MTHFD1L: variants seen among roughly 807,000 people sequenced by gnomAD.
MTHFD1L encodes the protein methylenetetrahydrofolate dehydrogenase (NADP+ dependent) 1 like, also known as monofunctional C1-tetrahydrofolate synthase, mitochondrial.
A neutral mutation model predicts 119.5 loss-of-function variants in MTHFD1L; 81 were observed. That is an observed-to-expected ratio of 0.68 (90% CI 0.57 to 0.82). MTHFD1L has a LOEUF of 0.82. Among genes scored for constraint, MTHFD1L ranks in the 40% least tolerant of loss-of-function variants. The pLI is 0.00. For synonymous variants in MTHFD1L, 430 were observed against 475.2 expected (o/e 0.90, Z 1.24); for missense variants, 1,125 against 1,253.4 (o/e 0.90, Z 1.55).
At position 151,014,965 on chromosome 6, in the gene MTHFD1L, C is replaced by T. The variant is rs1184670444; in HGVS notation, c.2393C>T (p.Ala798Val). 6.2e-7 allele frequency: 1 copy of T among 1,613,864 alleles called. No individual in the cohort carries two copies. The highest frequency in any genetic ancestry group is 8.5e-7 in the Non-Finnish European group (1 of 1,179,962). The change falls in exon 23 of 28, where the codon GCT becomes GTT. Residue 798 changes from alanine (A) to valine (V), a missense_variant. Coordinates refer to ENST00000367321, the MANE Select transcript of MTHFD1L (RefSeq NM_015440.5). Reference protein sequence around the residue: ...TQLFGVPVVVALNVFKTDTRA... With the variant: ...TQLFGVPVVVVLNVFKTDTRA... ...CTCTTTGGGGTTCCCGTTGTGGTGG[C>T]TCTGAATGTCTTCAAGTAAGTCCAG... is the stretch of plus-strand genomic sequence containing the variant.
At chr6:150,943,956 G>A (rs147505907) in intron 13 of MTHFD1L, among the ~76,000 whole-genome samples, 108 of 152,216 alleles carry the variant, frequency 7.1e-4, no homozygotes, top group African/African-American at 2.5e-3. Flanking sequence ...ATAAAACAAT[G>A]AATAAACGTA....
chr6:150,866,141 C>G (rs1778257658), intron 1 of MTHFD1L, 92 bp downstream of exon 1: 7 of 1,416,010 alleles, frequency 4.9e-6, no homozygotes, highest in Non-Finnish European at 6.4e-6. Context: ...GGGAGCGGGG[C>G]GCGGGGCTGC....
At chr6:151,085,484 T>A (rs1323382780) in intron 26 of MTHFD1L, among the ~76,000 whole-genome samples, 1 of 152,148 alleles carries the variant, frequency 6.6e-6, no homozygotes, top group Non-Finnish European at 1.5e-5. Context: ...AGCAAAACAT[T>A]TTTTGGCCGG....
rs146946849 is a variant in MTHFD1L at position 150,961,734 on chromosome 6, A to C, written c.1944+1319A>C. 2.5e-3 allele frequency among the ~76,000 whole-genome samples: 293 copies of C among 115,428 alleles called. 1 individual carries two copies. The highest frequency in any genetic ancestry group is 7.4e-3 in the African/African-American group (266 of 36,130). 75.7% of individuals were successfully genotyped at this position (115,428 alleles called of 152,430 possible). On this transcript the variant is annotated intron_variant, in intron 18 of 27. Coordinates refer to ENST00000367321, the MANE Select transcript of MTHFD1L (RefSeq NM_015440.5). ...AGAAGTCTTGTCAAGTAAATTCAAT[A>C]GATCAACGTATGTCGCAGCCTATGG...
chr6:150,992,199 A>C (rs1374085557), intron 20 of MTHFD1L, among the ~76,000 whole-genome samples: 1 of 152,198 alleles, frequency 6.6e-6, no homozygotes, highest in Non-Finnish European at 1.5e-5. Flanking sequence ...TTCGTCAGTA[A>C]GAGATGTGCA....
intron 26 of MTHFD1L, among the ~76,000 whole-genome samples, chr6:151,076,324 C>G (rs1792509338): frequency 6.6e-6 from 1 of 152,100 alleles, no homozygotes. Flanking sequence ...GCACTCCAGC[C>G]TGCAAGACAG....
At chr6:150,987,418 T>C (rs1456558853) in intron 20 of MTHFD1L, among the ~76,000 whole-genome samples, 3 of 152,232 alleles carry the variant, frequency 2.0e-5, no homozygotes, top group Non-Finnish European at 4.4e-5. Flanking sequence ...AAATCTTTGC[T>C]AACAGTCGTA....
At chr6:150,936,066 A>C (rs1043226619) in intron 11 of MTHFD1L, among the ~76,000 whole-genome samples, 4 of 152,222 alleles carry the variant, frequency 2.6e-5, no homozygotes, top group African/African-American at 4.8e-5. Context: ...AGTTTCCGCC[A>C]TAGTATGCAC....
At chr6:151,009,640 G>A (rs1289638359) in intron 20 of MTHFD1L, among the ~76,000 whole-genome samples, 179 bp from the exon 21 acceptor site, 1 of 152,206 alleles carries the variant, frequency 6.6e-6, no homozygotes, top group Non-Finnish European at 1.5e-5. Flanking sequence ...GGAGGGCGCA[G>A]TCTCTTTAGG....
At chr6:151,048,331 T>C (rs924412729) in intron 26 of MTHFD1L, among the ~76,000 whole-genome samples, 1 of 152,162 alleles carries the variant, frequency 6.6e-6, no homozygotes, top group African/African-American at 2.4e-5. Flanking sequence ...TTGTGTGTCC[T>C]CTTACCTTAC....
In MTHFD1L at chr6:150,865,793, G is replaced by A. The variant is rs996984452; in HGVS notation, c.-30G>A. 2.3e-6 allele frequency: 3 copies of A among 1,291,230 alleles called. No homozygotes were observed. Among genetic ancestry groups the A allele is most frequent in the African/African-American group, 3.2e-5 (2 of 62,560 alleles). 80.0% of individuals were successfully genotyped at this position (1,291,230 alleles called of 1,614,324 possible). A position where few individuals can be genotyped will look rare whatever the true frequency, so the allele number is the denominator to read the frequency against. On this transcript the variant is annotated 5_prime_UTR_variant, in exon 1 of 28. In the 5' UTR this introduces an upstream ATG that the reference lacks. Transcript: ENST00000367321. ...CGCCGCCCTCGGCAGCCGCAGCTCC[G>A]TGTCCCCTGAGAACCAGCCGTCCCG... is the stretch of plus-strand genomic sequence containing the variant.
chr6:150,893,857 G>A (rs1202621236), intron 7 of MTHFD1L, among the ~76,000 whole-genome samples: 2 of 152,238 alleles, frequency 1.3e-5, no homozygotes, highest in African/African-American at 4.8e-5. Context: ...CTGGGCTCAA[G>A]CCTTAGCTGT....
At chr6:150,893,732 C>A (rs551328058) in intron 7 of MTHFD1L, among the ~76,000 whole-genome samples, 3 of 152,302 alleles carry the variant, frequency 2.0e-5, no homozygotes, top group South Asian at 2.1e-4. Flanking sequence ...GCTGACCTTC[C>A]GGTTATCAGG....
chr6:151,052,608 G>T (rs537088065), intron 26 of MTHFD1L, among the ~76,000 whole-genome samples: 24 of 152,198 alleles, frequency 1.6e-4, no homozygotes, highest in Non-Finnish European at 2.8e-4. Context: ...AGAGGCTGCC[G>T]CTGGGAGTTG....
In MTHFD1L at chr6:150,903,438, A is replaced by G. The variant is rs201290580; in HGVS notation, c.781-2212A>G. 2.6e-5 allele frequency among the ~76,000 whole-genome samples: 4 copies of G among 151,828 alleles called. No homozygotes were observed. In the East Asian group the frequency reaches 7.7e-4, roughly 29 times the overall value. On this transcript the variant is annotated intron_variant, in intron 7 of 27. Transcript: ENST00000367321. ...CTTTTGATTTTGTTTTGTTTTTGAGACAGGGTCTTGCCCTGTTGCCCAGGC... is the reference window on the plus strand; with the variant it reads ...CTTTTGATTTTGTTTTGTTTTTGAGGCAGGGTCTTGCCCTGTTGCCCAGGC...
At chr6:150,981,386 G>A (rs531209990) in intron 20 of MTHFD1L, among the ~76,000 whole-genome samples, 136 of 152,300 alleles carry the variant, frequency 8.9e-4, no homozygotes, top group South Asian at 2.5e-3. Context: ...CTGTATTACC[G>A]CGTTTCCGTC....
chr6:151,083,085 C>T (rs369443374), intron 26 of MTHFD1L, among the ~76,000 whole-genome samples: 36 of 152,344 alleles, frequency 2.4e-4, no homozygotes, highest in African/African-American at 3.6e-4. Flanking sequence ...TCTCTCCCGA[C>T]TCACTTGTCT....
At chr6:150,956,591 T>C (rs373025198) in intron 17 of MTHFD1L, among the ~76,000 whole-genome samples, 58 of 152,316 alleles carry the variant, frequency 3.8e-4, no homozygotes, top group African/African-American at 1.3e-3. Context: ...GTAATAGATA[T>C]TGGATGTGCG....
intron 7 of MTHFD1L, chr6:150,898,762 C>A: frequency 3.0e-6 from 1 of 328,430 alleles, no homozygotes; most frequent in Non-Finnish European, 5.7e-6. Flanking sequence ...CACCCCCCAT[C>A]TACATACACA....
Sources: gnomAD v4.1 joint callset for allele counts (sites outside exome capture counted in the v4.1 genomes callset) on GRCh38, gnomAD v4.1.1 for gene constraint, MANE v1.5 for transcripts, NCBI Gene and HGNC (gene_info 2026-07-23, HGNC 2026-07-21) for gene names.